Variants in LSR observed in about 807,000 individuals in gnomAD.
LSR encodes lipolysis stimulated lipoprotein receptor, also known as lipolysis-stimulated lipoprotein receptor.
LSR carries 44 observed loss-of-function variants against 61.8 expected under a neutral mutation model. The observed-to-expected ratio is 0.71, with a 90% CI of 0.56 to 0.91. The LOEUF (loss-of-function observed/expected upper bound fraction) is 0.91, where lower values mean the gene tolerates loss of function less well. LSR is among the 40% of genes least tolerant of loss of function. LSR has a pLI of 0.00. For missense variants in LSR, 911 were observed against 830.5 expected (o/e 1.10, Z -1.19); for synonymous variants, 397 against 350.6 (o/e 1.13, Z -1.48).
At position 35,267,228 on chromosome 19, in the gene LSR, G is replaced by A. The variant is rs367979523; in HGVS notation, c.1264G>A (p.Gly422Arg). Residue 422 changes from glycine to arginine, a missense_variant, in exon 9 of 10, where the codon GGA becomes AGA. Gly to Arg is a moderately radical substitution (Grantham distance 125). Transcript: ENST00000605618. ...TGGCCACTCCCCCCGGAGTCCCAGG[G>A]GATGGGACCAGGAGCCCGCCAGGGA... ...WGGHSPRSPR[G>R]WDQEPAREQA... 40 of 1,526,376 alleles carry A rather than the reference G, an allele frequency of 2.6e-5. No individual in the cohort carries two copies. In the East Asian group the frequency reaches 5.0e-4, roughly 19 times the overall value. The allele number at this position is 1,526,376 out of a possible 1,614,324, so 94.6% of individuals were successfully genotyped here. A position where few individuals can be genotyped will look rare whatever the true frequency, so the allele number is the denominator to read the frequency against.
At chr19:35,260,807 A>AC (rs772580643) in intron 3 of LSR, among the ~76,000 whole-genome samples, 87 of 152,122 alleles carry the variant, frequency 5.7e-4, no homozygotes, top group Middle Eastern at 3.4e-3. Context: ...AGCATGAGTG[A>AC]CAGAGACCCT....
intron 2 of LSR, chr19:35,251,481 T>C (rs2065792150): frequency 6.6e-6 from 1 of 152,256 alleles, no homozygotes; most frequent in African/African-American, 2.4e-5. Flanking sequence ...GATTCTATCA[T>C]TGTCATCTTA....
At position 35,249,043 on chromosome 19, in the gene LSR, G is replaced by C. The variant is rs1254510314; in HGVS notation, c.21G>C (p.Gly7=). The change falls in exon 1 of 10, where the codon GGG becomes GGC. Residue 7 remains glycine (G), a synonymous_variant. Coordinates refer to ENST00000605618, the MANE Select transcript of LSR (RefSeq NM_205834.4). MALLAG[G]LSRGLGSHPA... ...CCGCGATGGCGCTGTTGGCCGGCGG[G>C]CTCTCCAGAGGGCTGGGCTCCCACC... is the stretch of plus-strand genomic sequence containing the variant. 3.8e-6 allele frequency: 6 copies of C among 1,590,562 alleles called. 1 individual carries two copies. Among genetic ancestry groups the C allele is most frequent in the East Asian group, 2.3e-5 (1 of 43,876 alleles).
At chr19:35,259,242 A>C (rs2065894735) in intron 3 of LSR, 178 bp downstream of exon 3, 1 of 704,642 alleles carries the variant, frequency 1.4e-6, no homozygotes, top group African/African-American at 1.8e-5. Flanking sequence ...CACCCCAGGC[A>C]GGGACCACTG....
chr19:35,267,499 C>A lies in LSR; in HGVS notation c.1535C>A (p.Pro512His). The change falls in exon 9 of 10, where the codon CCT becomes CAT. Residue 512 changes from proline (P) to histidine (H), a missense_variant. Coordinates refer to ENST00000605618, the MANE Select transcript of LSR (RefSeq NM_205834.4). ...HYDDFRSRER[P>H]PADPRSHHHR... The stretch of plus-strand genomic sequence containing the variant: ...GACGACTTCAGGTCTCGGGAGCGCC[C>A]TCCTGCCGACCCCAGGTCCCACCAC... 6.2e-7 allele frequency: 1 copy of A among 1,611,336 alleles called. No individual in the cohort carries two copies. Among genetic ancestry groups the A allele is most frequent in the Non-Finnish European group, 8.5e-7 (1 of 1,179,618 alleles).
chr19:35,261,926 G>T lies in LSR; in HGVS notation c.576G>T (p.Gly192=). Residue 192 remains glycine (G), a splice_region_variant and synonymous_variant, in exon 4 of 10, where the codon GGG becomes GGT. Coordinates refer to ENST00000605618, the MANE Select transcript of LSR (RefSeq NM_205834.4). ...TCTGTTTCTCTTTTGTCCCTCCAGGGAGGACCTCAGGGGTGGCTGAGCTCT... is the reference window on the plus strand; with the variant it reads ...TCTGTTTCTCTTTTGTCCCTCCAGGTAGGACCTCAGGGGTGGCTGAGCTCT... ...NEAYAELIVL[G]RTSGVAELLP... is the part of the protein sequence containing the mutation. 6.8e-7 allele frequency: 1 copy of T among 1,474,122 alleles called. No homozygotes were observed. The highest frequency in any genetic ancestry group is 9.0e-7 in the Non-Finnish European group (1 of 1,116,934). 91.3% of individuals were successfully genotyped at this position (1,474,122 alleles called of 1,614,324 possible).
Position 35,262,650 on chromosome 19 carries a change from A to G in LSR, c.736A>G (p.Arg246Gly), listed in dbSNP as rs1253349897. Reference sequence around the variant, plus strand: ...CCCGCACACTTGCTGCTGCTACGTCAGGTGCCCCTGCTGCCCAGACAAGTG... The same window carrying G: ...CCCGCACACTTGCTGCTGCTACGTCGGGTGCCCCTGCTGCCCAGACAAGTG... ...CCPHTCCCYVRCPCCPDKCCC... is the reference protein window; with the variant it reads ...CCPHTCCCYVGCPCCPDKCCC... The change falls in exon 5 of 10, where the codon AGG becomes GGG. Residue 246 changes from arginine (R) to glycine (G), a missense_variant. Physicochemically the swap from Arg to Gly is moderately radical, Grantham distance 125. Coordinates refer to ENST00000605618, the MANE Select transcript of LSR (RefSeq NM_205834.4). The G allele has an allele frequency of 6.2e-7, 1 of 1,613,976 alleles. No individual in the cohort carries two copies. Among genetic ancestry groups the G allele is most frequent in the Middle Eastern group, 1.6e-4 (1 of 6,084 alleles).
rs2066035394 is a variant in LSR at position 35,267,551 on chromosome 19, C to G, written c.1587C>G (p.Asn529Lys). ...HHHRTRDPRD[N>K]GSRSGDLPYD... ...ACCGTACCCGGGACCCTCGGGACAACGGCTCCAGGTCCGGGGACCTCCCCT... is the reference window on the plus strand; with the variant it reads ...ACCGTACCCGGGACCCTCGGGACAAGGGCTCCAGGTCCGGGGACCTCCCCT... The change falls in exon 9 of 10, where the codon AAC becomes AAG. Residue 529 changes from asparagine (N) to lysine (K), a missense_variant. Physicochemically the swap from Asn to Lys is moderately conservative, Grantham distance 94. Transcript: ENST00000605618. The G allele has an allele frequency of 6.2e-7, 1 of 1,612,208 alleles. No individual in the cohort carries two copies. Among genetic ancestry groups the G allele is most frequent in the Non-Finnish European group, 8.5e-7 (1 of 1,179,718 alleles).
chr19:35,262,468 G>A (rs1016643859), intron 4 of LSR, 78 bp from the exon 5 acceptor site: 12 of 1,530,114 alleles, frequency 7.8e-6, no homozygotes, highest in African/African-American at 4.1e-5. Flanking sequence ...TGCTGGCTCC[G>A]CACCATGTAC....
intron 2 of LSR, among the ~76,000 whole-genome samples, chr19:35,258,383 T>C (rs760964382): frequency 2.0e-5 from 3 of 151,902 alleles, no homozygotes; most frequent in East Asian, 1.9e-4. Context: ...GAGGCGAAGA[T>C]TGTAGTGAGC....
In LSR at chr19:35,249,045, T is replaced by C; in HGVS notation, c.23T>C (p.Leu8Pro). MALLAGG[L>P]SRGLGSHPAA... is the part of the protein sequence containing the mutation. ...GCGATGGCGCTGTTGGCCGGCGGGC[T>C]CTCCAGAGGGCTGGGCTCCCACCCG... The change falls in exon 1 of 10, where the codon CTC becomes CCC. Residue 8 changes from leucine to proline, a missense_variant. Physicochemically the swap from Leu to Pro is moderately conservative, Grantham distance 98 (BLOSUM62 -3). Transcript: ENST00000605618. 4 of 1,589,154 alleles carry C rather than the reference T, an allele frequency of 2.5e-6. No homozygotes were observed. Among genetic ancestry groups the C allele is most frequent in the South Asian group, 1.1e-5 (1 of 88,992 alleles).
chr19:35,265,320 T>A (rs2065982978), intron 5 of LSR, among the ~76,000 whole-genome samples: 1 of 152,090 alleles, frequency 6.6e-6, no homozygotes. Flanking sequence ...CCACATTTCC[T>A]CCATCCGGAG....
chr19:35,255,281 C>T (rs1160451155), intron 2 of LSR, among the ~76,000 whole-genome samples: 2 of 152,170 alleles, frequency 1.3e-5, no homozygotes, highest in African/African-American at 4.8e-5. Flanking sequence ...GATCGCACCA[C>T]TGCACTCCAG....
chr19:35,267,718 A>C lies in LSR; in HGVS notation c.1754A>C (p.Glu585Ala), dbSNP rs2066042552. ...YSETDSQASR[E>A]RRLKKNLALS... Reference sequence around the variant, plus strand: ...GAGACCGACTCGCAGGCGTCCCGAGAGCGCAGGCTCAAGAAGGTGAGGGCC... The same window carrying C: ...GAGACCGACTCGCAGGCGTCCCGAGCGCGCAGGCTCAAGAAGGTGAGGGCC... Residue 585 changes from glutamate (E) to alanine (A), a missense_variant, in exon 9 of 10, where the codon GAG (glutamate) becomes GCG (alanine). Physicochemically the swap from Glu to Ala is moderately radical, Grantham distance 107. Transcript: ENST00000605618. 3 of 1,601,528 alleles carry C rather than the reference A, an allele frequency of 1.9e-6. No individual in the cohort carries two copies. The highest frequency in any genetic ancestry group is 1.4e-5 in the African/African-American group (1 of 73,324).
At chr19:35,249,879 C>G (rs1416672729) in intron 1 of LSR, among the ~76,000 whole-genome samples, 1 of 152,150 alleles carries the variant, frequency 6.6e-6, no homozygotes, top group Non-Finnish European at 1.5e-5. Context: ...GGTTTTCCCT[C>G]CAAATTCAAA....
chr19:35,262,681 G>A lies in LSR; in HGVS notation c.767G>A (p.Cys256Tyr). ...CCCTGCTGCCCAGACAAGTGCTGCT[G>A]CCCCGAGGCCCGTAAGTGTCCCGCT... ...RCPCCPDKCC[C>Y]PEALYAAGKA... Residue 256 changes from cysteine to tyrosine, a missense_variant, in exon 5 of 10, where the codon TGC (cysteine) becomes TAC (tyrosine). Cys to Tyr is a radical substitution (Grantham distance 194). Transcript: ENST00000605618. The A allele has an allele frequency of 1.2e-6, 2 of 1,613,680 alleles. No homozygotes were observed. Among genetic ancestry groups the A allele is most frequent in the East Asian group, 2.2e-5 (1 of 44,868 alleles).
At chr19:35,249,476 G>C in intron 1 of LSR, 1 of 308,548 alleles carries the variant, frequency 3.2e-6, no homozygotes. Flanking sequence ...GCGCACCCGG[G>C]GATTTCTAAG....
chr19:35,260,291 C>CT (rs66534837), intron 3 of LSR, among the ~76,000 whole-genome samples: 52,939 of 113,230 alleles, frequency 0.47, 13,996 homozygotes, highest in Middle Eastern at 0.62. Flanking sequence ...GGAGATTTTC[C>CT]TTTTTTTTTT....
At chr19:35,259,772 G>A (rs939404669) in intron 3 of LSR, among the ~76,000 whole-genome samples, 6 of 152,212 alleles carry the variant, frequency 3.9e-5, no homozygotes, top group South Asian at 2.1e-4. Context: ...AAAGCACAGC[G>A]GTTTTGCCGT....
Sources: gnomAD v4.1 joint callset for allele counts (sites outside exome capture counted in the v4.1 genomes callset) on GRCh38, gnomAD v4.1.1 for gene constraint, MANE v1.5 for transcripts, NCBI Gene and HGNC (gene_info 2026-07-23, HGNC 2026-07-21) for gene names.